Variants in WWOX observed in about 807,000 individuals in gnomAD.
WWOX encodes WW domain containing oxidoreductase.
A neutral mutation model predicts 46.2 loss-of-function variants in WWOX; 69 were observed. The observed-to-expected ratio is 1.49, with a 90% confidence interval of 1.23 to 1.82. The LOEUF (loss-of-function observed/expected upper bound fraction) is 1.82. WWOX is among the 40% of genes most tolerant of loss of function. The pLI is 0.00. For synonymous variants in WWOX, 359 were observed against 202.6 expected (o/e 1.77, Z -6.56); for missense variants, 919 against 542.6 (o/e 1.69, Z -6.89).
At chr16:78,567,955 C>G (rs1457991910) in intron 8 of WWOX, among the ~76,000 whole-genome samples, 1 of 152,138 alleles carries the variant, frequency 6.6e-6, no homozygotes, top group Admixed American at 6.5e-5. Context: ...GTTTATTAAT[C>G]TTAGCGTATA....
At chr16:78,330,532 G>C (rs773706105) in intron 5 of WWOX, among the ~76,000 whole-genome samples, 5 of 152,070 alleles carry the variant, frequency 3.3e-5, no homozygotes, top group Non-Finnish European at 7.3e-5. Context: ...GAGTAGGTGA[G>C]ACTACAGGCG....
intron 8 of WWOX, among the ~76,000 whole-genome samples, chr16:78,789,781 T>G (rs1271459183): frequency 1.3e-5 from 2 of 152,162 alleles, no homozygotes; most frequent in Admixed American, 6.5e-5. Context: ...ACATACAACT[T>G]GCAGGAAAAG....
chr16:78,402,125 C>T (rs1467363548), intron 6 of WWOX, among the ~76,000 whole-genome samples: 1 of 152,176 alleles, frequency 6.6e-6, no homozygotes, highest in Non-Finnish European at 1.5e-5. Context: ...TAACAATTAG[C>T]AGTTATTTTC....
Position 79,149,589 on chromosome 16 carries a change from C to T in WWOX, c.1057-62019C>T, listed in dbSNP as rs753124325. On this transcript the variant is annotated intron_variant, in intron 8 of 8. Coordinates refer to ENST00000566780, the MANE Select transcript of WWOX (RefSeq NM_016373.4). ...CTAGGGACGGTCTCAAATGAGTCCC[C>T]ATCAGCCACCAGGGAGCTCAGCTTT... 2.0e-4 allele frequency among the ~76,000 whole-genome samples: 30 copies of T among 152,192 alleles called. 1 individual carries two copies. Among genetic ancestry groups the T allele is most frequent in the Non-Finnish European group, 1.2e-4 (8 of 68,034 alleles).
intron 8 of WWOX, among the ~76,000 whole-genome samples, chr16:78,937,928 A>G (rs1008253971): frequency 7.2e-5 from 11 of 152,114 alleles, no homozygotes; most frequent in Admixed American, 3.3e-4. Context: ...ATGTGTGGCT[A>G]TAGAACTTTT....
intron 8 of WWOX, among the ~76,000 whole-genome samples, chr16:78,615,547 A>C (rs2046002175): frequency 6.6e-6 from 1 of 151,928 alleles, no homozygotes; most frequent in Admixed American, 6.6e-5. Flanking sequence ...GCTTGGGACT[A>C]CTAGAAAGGT....
At chr16:78,449,519 G>A (rs2083641048) in intron 8 of WWOX, among the ~76,000 whole-genome samples, 1 of 152,128 alleles carries the variant, frequency 6.6e-6, no homozygotes, top group Admixed American at 6.5e-5. Flanking sequence ...CACAGGACTT[G>A]ATGATTTTTC....
At chr16:78,333,091 C>T (rs1196249695) in intron 5 of WWOX, among the ~76,000 whole-genome samples, 4 of 122,564 alleles carry the variant, frequency 3.3e-5, no homozygotes, top group African/African-American at 1.2e-4. Flanking sequence ...GCTCTGTCAC[C>T]CAGGCCTGGA....
At chr16:78,966,093 G>A (rs1290311736) in intron 8 of WWOX, among the ~76,000 whole-genome samples, 1 of 152,098 alleles carries the variant, frequency 6.6e-6, no homozygotes, top group Non-Finnish European at 1.5e-5. Context: ...AAGCTTTTTT[G>A]CGTGGCTTCT....
intron 8 of WWOX, among the ~76,000 whole-genome samples, chr16:78,573,279 C>G (rs78769226): frequency 0.031 from 4,674 of 152,274 alleles, 173 homozygotes; most frequent in East Asian, 0.12. Context: ...CAGCGTGACT[C>G]CATCTCAAAA....
intron 8 of WWOX, among the ~76,000 whole-genome samples, chr16:78,989,821 CGTGTGTGTGTGT>C (rs71384389): frequency 1.5e-5 from 2 of 136,402 alleles, no homozygotes; most frequent in Non-Finnish European, 3.2e-5. Context: ...GGTGTGTGAG[CGTGTGTGTGTGT>C]GTGTGTGTGT....
chr16:78,833,828 G>C (rs2051899460), intron 8 of WWOX, among the ~76,000 whole-genome samples: 3 of 152,250 alleles, frequency 2.0e-5, no homozygotes, highest in Admixed American at 2.0e-4. Flanking sequence ...AGCAAGTGCA[G>C]GCTTCCAGCC....
chr16:78,808,789 G>T (rs2051108941), intron 8 of WWOX, among the ~76,000 whole-genome samples: 1 of 152,136 alleles, frequency 6.6e-6, no homozygotes, highest in African/African-American at 2.4e-5. Flanking sequence ...GTCGTGGTGT[G>T]TGATCTTGAC....
chr16:79,134,100 TA>T (rs1270776762), intron 8 of WWOX, among the ~76,000 whole-genome samples: 1 of 152,096 alleles, frequency 6.6e-6, no homozygotes, highest in Non-Finnish European at 1.5e-5. Context: ...TGTTTTTTTT[TA>T]AAAATATGCT....
chr16:79,105,775 A>G (rs1043476523), intron 8 of WWOX, among the ~76,000 whole-genome samples: 1 of 150,514 alleles, frequency 6.6e-6, no homozygotes, highest in African/African-American at 2.4e-5. Flanking sequence ...CAATCCTCCC[A>G]CCTCATCCTC....
intron 8 of WWOX, among the ~76,000 whole-genome samples, chr16:78,971,569 T>C (rs1294871050): frequency 6.6e-6 from 1 of 151,450 alleles, no homozygotes; most frequent in Non-Finnish European, 1.5e-5. Flanking sequence ...ACGGGTCAAA[T>C]GGAGCAAAGT....
chr16:78,147,958 G>A (rs1199073478), intron 4 of WWOX, among the ~76,000 whole-genome samples: 4 of 151,902 alleles, frequency 2.6e-5, no homozygotes, highest in African/African-American at 7.3e-5. Context: ...GAGTGTGTGC[G>A]TGTAGAATCC....
intron 8 of WWOX, among the ~76,000 whole-genome samples, chr16:78,812,227 G>C (rs1369857557): frequency 6.6e-6 from 1 of 152,058 alleles, no homozygotes; most frequent in Non-Finnish European, 1.5e-5. Context: ...ACATCCCAAA[G>C]ATTGGGGCAT....
intron 8 of WWOX, among the ~76,000 whole-genome samples, chr16:78,969,848 C>T (rs11150121): frequency 0.28 from 41,798 of 151,856 alleles, 7,075 homozygotes; most frequent in Non-Finnish European, 0.37. Flanking sequence ...GGGGATGGGG[C>T]GTGGATGGAG....
Sources: allele counts gnomAD v4.1 joint callset (sites outside exome capture counted in the v4.1 genomes callset), GRCh38; gene constraint gnomAD v4.1.1; transcripts MANE v1.5; gene names NCBI Gene and HGNC (gene_info 2026-07-23, HGNC 2026-07-21).